Variants in MSRA observed in about 807,000 individuals in gnomAD.
MSRA encodes the protein mitochondrial peptide methionine sulfoxide reductase.
A neutral mutation model predicts 31.3 loss-of-function variants in MSRA; 54 were observed. The ratio of observed to expected loss-of-function variants is 1.73; its 90% CI spans 1.39 to 2.17. The LOEUF (loss-of-function observed/expected upper bound fraction) is 2.17. Ranked by LOEUF, MSRA falls within the 30% of genes most tolerant of loss-of-function variation. The pLI, the probability that MSRA is intolerant of heterozygous loss-of-function variation, is 0.00. For synonymous variants in MSRA, 169 were observed against 116.5 expected, an observed-to-expected ratio of 1.45 and a Z score of -2.90; for missense variants, 507 against 300.9, an observed-to-expected ratio of 1.69 and a Z score of -5.07.
Position 10,091,759 on chromosome 8 carries a change from A to C in MSRA, c.142+37101A>C, listed in dbSNP as rs368503481. Among the ~76,000 whole-genome samples the C allele has an allele frequency of 8.7e-4, 132 of 152,166 alleles. 7 individuals are homozygous for C. The South Asian group carries it at 0.027, about 31-fold the overall frequency. On this transcript the variant is annotated intron_variant, in intron 1 of 5. Transcript: ENST00000317173. ...GTAGCTGGGATTAAAGATGCGTGCC[A>C]CCACACCCCGCTAATTTTTGTAGTT...
At chr8:10,171,497 C>T (rs999715225) in intron 1 of MSRA, among the ~76,000 whole-genome samples, 12 of 151,884 alleles carry the variant, frequency 7.9e-5, no homozygotes, top group African/African-American at 2.7e-4. Context: ...GGCCTTACAC[C>T]TTTGATGATA....
chr8:10,213,962 CCAAGCAGCAACAG>C (rs1809753243), intron 2 of MSRA, among the ~76,000 whole-genome samples: 1 of 152,026 alleles, frequency 6.6e-6, no homozygotes, highest in African/African-American at 2.4e-5. Context: ...TAAATTGATA[CCAAGCAGCAACAG>C]CAGAAGTACC....
intron 1 of MSRA, among the ~76,000 whole-genome samples, chr8:10,150,708 C>A (rs1003639212): frequency 6.6e-6 from 1 of 152,080 alleles, no homozygotes; most frequent in South Asian, 2.1e-4. Context: ...TGAAAACAGC[C>A]GGCCTGTTCT....
At chr8:10,300,958 G>T (rs1170885374) in intron 3 of MSRA, among the ~76,000 whole-genome samples, 6 of 152,028 alleles carry the variant, frequency 3.9e-5, no homozygotes, top group African/African-American at 1.2e-4. Context: ...GAAGAATTAG[G>T]CTGGGAAAAC....
chr8:10,308,123 C>G (rs1179254257), intron 4 of MSRA, among the ~76,000 whole-genome samples: 1 of 152,198 alleles, frequency 6.6e-6, no homozygotes, highest in African/African-American at 2.4e-5. Context: ...GTCACCATCC[C>G]AGGCTGGATC....
At chr8:10,314,409 G>A (rs78817829) in intron 4 of MSRA, among the ~76,000 whole-genome samples, 1,812 of 152,012 alleles carry the variant, frequency 0.012, 12 homozygotes, top group South Asian at 0.03. Context: ...GATAATTAAC[G>A]TTATTAATCA....
chr8:10,118,595 C>G (rs911100094), intron 1 of MSRA, among the ~76,000 whole-genome samples: 6 of 152,128 alleles, frequency 3.9e-5, no homozygotes, highest in African/African-American at 1.4e-4. Context: ...GTGTCCTCAT[C>G]TCCCACCGCT....
intron 5 of MSRA, among the ~76,000 whole-genome samples, chr8:10,335,556 G>T (rs529068457): frequency 1.3e-5 from 2 of 152,310 alleles, no homozygotes; most frequent in East Asian, 3.9e-4. Context: ...CCGTGGCCTA[G>T]TGAACAGATG....
intron 1 of MSRA, among the ~76,000 whole-genome samples, chr8:10,185,756 G>C (rs1806985605): frequency 6.6e-6 from 1 of 152,148 alleles, no homozygotes; most frequent in African/African-American, 2.4e-5. Context: ...TCAGTCCTCT[G>C]GACCTTTGAG....
At chr8:10,406,759 A>G (rs916605402) in intron 5 of MSRA, among the ~76,000 whole-genome samples, 1 of 152,170 alleles carries the variant, frequency 6.6e-6, no homozygotes, top group East Asian at 1.9e-4. Flanking sequence ...AATTTTCCAT[A>G]TTTCTGAAAA....
chr8:10,234,812 T>G (rs888987783), intron 2 of MSRA, among the ~76,000 whole-genome samples: 4 of 152,002 alleles, frequency 2.6e-5, no homozygotes, highest in African/African-American at 9.7e-5. Context: ...AAAATAATTT[T>G]AAGAACAAAA....
At chr8:10,366,733 G>A (rs1452526845) in intron 5 of MSRA, among the ~76,000 whole-genome samples, 1 of 152,232 alleles carries the variant, frequency 6.6e-6, no homozygotes, top group East Asian at 1.9e-4. Context: ...CCTCGTGGTC[G>A]GCGGCTGTCT....
chr8:10,065,928 A>C (rs549237523), intron 1 of MSRA, among the ~76,000 whole-genome samples: 1 of 151,666 alleles, frequency 6.6e-6, no homozygotes, highest in Non-Finnish European at 1.5e-5. Context: ...GCCTGTGCTG[A>C]GATAGCTCCT....
At chr8:10,186,359 C>T (rs2129051979) in intron 1 of MSRA, among the ~76,000 whole-genome samples, 1 of 152,038 alleles carries the variant, frequency 6.6e-6, no homozygotes, top group East Asian at 1.9e-4. Flanking sequence ...TGAAGGCAGC[C>T]ATGGACAGTA....
chr8:10,304,142 G>T (rs4840476), intron 4 of MSRA, among the ~76,000 whole-genome samples: 23,288 of 152,156 alleles, frequency 0.15, 1,985 homozygotes, highest in African/African-American at 0.21. Context: ...TCACCATGTT[G>T]GCCAGGCTGG....
chr8:10,070,251 G>A (rs768942934), intron 1 of MSRA, among the ~76,000 whole-genome samples: 1 of 152,158 alleles, frequency 6.6e-6, no homozygotes, highest in Non-Finnish European at 1.5e-5. Context: ...TAAGTACAGC[G>A]TGGCAGCCGG....
chr8:10,371,344 G>C (rs1387749038), intron 5 of MSRA, among the ~76,000 whole-genome samples: 1 of 152,010 alleles, frequency 6.6e-6, no homozygotes, highest in East Asian at 1.9e-4. Context: ...CTGGACATGG[G>C]GAGAGTGTCC....
intron 5 of MSRA, among the ~76,000 whole-genome samples, chr8:10,414,033 G>A (rs950418293): frequency 3.3e-5 from 5 of 152,072 alleles, no homozygotes; most frequent in Non-Finnish European, 7.4e-5. Context: ...CAGGTGTGGT[G>A]GTGTGCTCCT....
intron 2 of MSRA, among the ~76,000 whole-genome samples, chr8:10,227,613 C>A (rs552843797): frequency 1.3e-5 from 2 of 152,072 alleles, no homozygotes; most frequent in South Asian, 2.1e-4. Context: ...GTATAAAGAA[C>A]CTGGAGCTGC....
Sources: gnomAD v4.1 joint callset for allele counts (sites outside exome capture counted in the v4.1 genomes callset) on GRCh38, gnomAD v4.1.1 for gene constraint, MANE v1.5 for transcripts, NCBI Gene and HGNC (gene_info 2026-07-23, HGNC 2026-07-21) for gene names.